Variants in CCDC81 observed in about 807,000 individuals in gnomAD.
CCDC81 encodes the protein coiled-coil domain-containing protein 81.
Under a neutral mutation model 83.7 loss-of-function variants are expected in CCDC81, and 79 were observed. The observed-to-expected ratio is 0.94, with a 90% CI of 0.79 to 1.14. The LOEUF is 1.14. CCDC81 is among the 50% of genes most tolerant of loss of function. The probability of loss-of-function intolerance (pLI) is 0.00; values close to 1 mark genes in which losing one functional copy is unlikely to be tolerated. For missense variants in CCDC81, 791 were observed against 778.1 expected (o/e 1.02, Z -0.20); for synonymous variants, 252 against 278.1 (o/e 0.91, Z 0.93).
At position 86,395,391 on chromosome 11, in the gene CCDC81, A is replaced by G. The variant is rs1948392533; in HGVS notation, c.613A>G (p.Ser205Gly). The G allele has an allele frequency of 8.1e-6, 13 of 1,614,118 alleles. No individual in the cohort carries two copies. The highest frequency in any genetic ancestry group is 1.1e-5 in the Non-Finnish European group (13 of 1,179,998). The change falls in exon 5 of 15, where the codon AGC (serine) becomes GGC (glycine). Residue 205 changes from serine to glycine, a missense_variant. Coordinates refer to ENST00000445632, the MANE Select transcript of CCDC81 (RefSeq NM_001156474.2). The part of the protein sequence containing the change: ...SSREALRKWP[S>G]SVLAFPRIEL... Reference sequence around the variant, plus strand: ...CAGAGAGGCCTTGAGGAAGTGGCCCAGCAGTGTGCTTGCGTTTCCAAGGTG... The same window carrying G: ...CAGAGAGGCCTTGAGGAAGTGGCCCGGCAGTGTGCTTGCGTTTCCAAGGTG...
At chr11:86,384,043 T>A (rs1446334276) in intron 1 of CCDC81, among the ~76,000 whole-genome samples, 1 of 152,224 alleles carries the variant, frequency 6.6e-6, no homozygotes, top group Non-Finnish European at 1.5e-5. Flanking sequence ...TTGCAAACTA[T>A]ACACTTTCTC....
chr11:86,401,037 C>A (rs769451357), intron 7 of CCDC81, among the ~76,000 whole-genome samples: 1 of 151,962 alleles, frequency 6.6e-6, no homozygotes, highest in Non-Finnish European at 1.5e-5. Flanking sequence ...ATGACACAGG[C>A]GGAAACAAAA....
chr11:86,375,274 G>C, intron 1 of CCDC81, 32 bp downstream of exon 1: 1 of 1,577,814 alleles, frequency 6.3e-7, no homozygotes, highest in Non-Finnish European at 8.6e-7. Context: ...GGGTGGCCCT[G>C]GGGATTGAAT....
chr11:86,387,434 T>A, intron 2 of CCDC81, 82 bp from the exon 3 acceptor site: 1 of 1,366,354 alleles, frequency 7.3e-7, no homozygotes, highest in Non-Finnish European at 1.0e-6. Context: ...CTTCTCTTCG[T>A]GTTTTTTAGA....
intron 5 of CCDC81, among the ~76,000 whole-genome samples, chr11:86,396,633 G>C (rs933716131): frequency 4.8e-4 from 73 of 152,282 alleles, no homozygotes; most frequent in African/African-American, 1.7e-3. Flanking sequence ...GATTCAGTGT[G>C]AAGTCCAGAG....
intron 7 of CCDC81, 42 bp downstream of exon 7, chr11:86,400,843 T>G: frequency 6.5e-7 from 1 of 1,548,862 alleles, no homozygotes; most frequent in Non-Finnish European, 8.8e-7. Context: ...CTTTACTAAA[T>G]ATATTTTTGA....
intron 6 of CCDC81, among the ~76,000 whole-genome samples, chr11:86,400,251 C>T (rs1948469203): frequency 6.6e-6 from 1 of 152,090 alleles, no homozygotes; most frequent in Non-Finnish European, 1.5e-5. Context: ...ACTGTTAGCA[C>T]ATAAGATGAC....
At chr11:86,408,629 C>T (rs1948595665) in intron 9 of CCDC81, among the ~76,000 whole-genome samples, 1 of 152,094 alleles carries the variant, frequency 6.6e-6, no homozygotes, top group Admixed American at 6.6e-5. Flanking sequence ...ACAGGCATTA[C>T]CCACTGAGCC....
At chr11:86,397,491 C>T (rs1948424403) in intron 5 of CCDC81, 130 bp from the exon 6 acceptor site, 2 of 1,083,526 alleles carry the variant, frequency 1.8e-6, no homozygotes, top group South Asian at 1.7e-5. Context: ...CATCAGAGCA[C>T]TCACCCCTTG....
At chr11:86,409,647 C>T (rs550851810) in intron 10 of CCDC81, among the ~76,000 whole-genome samples, 52 of 152,264 alleles carry the variant, frequency 3.4e-4, no homozygotes, top group Non-Finnish European at 5.0e-4. Context: ...GACAGGGTTT[C>T]GCCATGTTGG....
At position 86,386,103 on chromosome 11, in the gene CCDC81, C is replaced by A. The variant is rs766219476; in HGVS notation, c.132C>A (p.Thr44=). ...CAGAATTTGTGAGACGGCAGTTAAC[C>A]CTGCACAAGGTAAGATTTATTAATT... ...NVSEFVRRQL[T]LHKGVQIPAF... The change falls in exon 2 of 15, where the codon ACC becomes ACA. Residue 44 remains threonine, a synonymous_variant. Transcript: ENST00000445632. 7.1e-7 allele frequency: 1 copy of A among 1,417,380 alleles called. No individual in the cohort carries two copies. Among genetic ancestry groups the A allele is most frequent in the Non-Finnish European group, 9.6e-7 (1 of 1,043,616 alleles). The allele number at this position is 1,417,380 out of a possible 1,614,324, so 87.8% of individuals were successfully genotyped here.
intron 7 of CCDC81, among the ~76,000 whole-genome samples, chr11:86,402,134 C>CAA (rs540502448): frequency 0.014 from 1,213 of 89,084 alleles, 41 homozygotes; most frequent in African/African-American, 0.034. Flanking sequence ...GACTCTGTCT[C>CAA]AAAAAAAAAA....
At chr11:86,393,163 A>C (rs1316581194) in intron 4 of CCDC81, among the ~76,000 whole-genome samples, 1 of 152,118 alleles carries the variant, frequency 6.6e-6, no homozygotes, top group Non-Finnish European at 1.5e-5. Flanking sequence ...GCCGGGTTTG[A>C]GTGATTCTCC....
chr11:86,403,831 G>A (rs1279988679), intron 7 of CCDC81, among the ~76,000 whole-genome samples: 1 of 152,198 alleles, frequency 6.6e-6, no homozygotes, highest in Admixed American at 6.5e-5. Context: ...CTCGTTTGGG[G>A]AAAGGTAATA....
chr11:86,377,563 A>G (rs930311197), intron 1 of CCDC81, among the ~76,000 whole-genome samples: 1 of 152,138 alleles, frequency 6.6e-6, no homozygotes, highest in Middle Eastern at 3.2e-3. Context: ...AATGGGGAGC[A>G]CCTTTTAATA....
intron 2 of CCDC81, among the ~76,000 whole-genome samples, chr11:86,387,268 CT>C (rs1948255383): frequency 1.3e-5 from 2 of 152,114 alleles, no homozygotes; most frequent in South Asian, 4.2e-4. Flanking sequence ...ATTTCTTAGC[CT>C]TTTGATGATA....
intron 1 of CCDC81, among the ~76,000 whole-genome samples, chr11:86,379,767 A>T (rs1433371233): frequency 6.6e-6 from 1 of 152,178 alleles, no homozygotes; most frequent in East Asian, 1.9e-4. Flanking sequence ...GCTGGAGTCC[A>T]GGAGTCCAGG....
rs1948387233 is a variant in CCDC81 at position 86,395,183 on chromosome 11, T to C, written c.556-151T>C. On this transcript the variant is annotated intron_variant, in intron 4 of 14. Coordinates refer to ENST00000445632, the MANE Select transcript of CCDC81 (RefSeq NM_001156474.2). ...TCTGATGAATGAGATCATTCCTCATTGGATTTTTAAGCTCTGGACTTATAA... is the reference window on the plus strand; with the variant it reads ...TCTGATGAATGAGATCATTCCTCATCGGATTTTTAAGCTCTGGACTTATAA... 5 of 561,776 alleles carry C rather than the reference T, an allele frequency of 8.9e-6. No individual in the cohort carries two copies. The South Asian group carries it at 1.0e-4, about 12-fold the overall frequency. The allele number at this position is 561,776 out of a possible 1,614,324, so 34.8% of individuals were successfully genotyped here. A position where few individuals can be genotyped will look rare whatever the true frequency, so the allele number is the denominator to read the frequency against.
intron 7 of CCDC81, 115 bp from the exon 8 acceptor site, chr11:86,407,499 T>C (rs1408197566): frequency 1.4e-6 from 1 of 694,890 alleles, no homozygotes; most frequent in Non-Finnish European, 2.6e-6. Context: ...CATATAGCTG[T>C]TTTGAAGTAA....
Sources: gnomAD v4.1 joint callset for allele counts (sites outside exome capture counted in the v4.1 genomes callset) on GRCh38, gnomAD v4.1.1 for gene constraint, MANE v1.5 for transcripts, NCBI Gene and HGNC (gene_info 2026-07-23, HGNC 2026-07-21) for gene names.